CNTNAP2: variants seen among roughly 807,000 people sequenced by gnomAD.
The protein encoded by CNTNAP2 is contactin-associated protein-like 2.
CNTNAP2 carries 98 observed loss-of-function variants against 155.2 expected under a neutral mutation model. That is an observed-to-expected ratio of 0.63 (90% CI 0.54 to 0.75). The LOEUF (loss-of-function observed/expected upper bound fraction) is 0.75, where lower values mean the gene tolerates loss of function less well. Ranked by LOEUF, CNTNAP2 falls within the 30% of genes least tolerant of loss-of-function variation. The pLI, the probability that CNTNAP2 is intolerant of heterozygous loss-of-function variation, is 0.00. For missense variants in CNTNAP2, 1,727 were observed against 1,688.1 expected (o/e 1.02, Z -0.40); for synonymous variants, 651 against 631.2 (o/e 1.03, Z -0.47).
chr7:147,998,110 T>C (rs1322868071), intron 15 of CNTNAP2, among the ~76,000 whole-genome samples: 25 of 129,118 alleles, frequency 1.9e-4, no homozygotes, highest in South Asian at 8.3e-4. Context: ...TTTCTTTTTT[T>C]TTTTTTTTTT....
Position 147,237,049 on chromosome 7 carries a change from C to CTTTTTTTT in CNTNAP2, c.1349-63063_1349-63056dup, listed in dbSNP as rs548220734. On this transcript the variant is annotated intron_variant, in intron 8 of 23. Transcript: ENST00000361727. ...CCACTTCCTTTAGCCTTCACCTCCT[C>CTTTTTTTT]TTTTTTTTTTTTTTTTTTTTTTTTT... 8.0e-4 allele frequency among the ~76,000 whole-genome samples: 46 copies of CTTTTTTTT among 57,472 alleles called. 6 individuals are homozygous for CTTTTTTTT. Among genetic ancestry groups the CTTTTTTTT allele is most frequent in the African/African-American group, 2.1e-3 (31 of 14,814 alleles). The allele number at this position is 57,472 out of a possible 152,430, so 37.7% of individuals were successfully genotyped here.
chr7:146,339,354 TC>T (rs1489696057), intron 1 of CNTNAP2, among the ~76,000 whole-genome samples: 1 of 152,152 alleles, frequency 6.6e-6, no homozygotes, highest in Non-Finnish European at 1.5e-5. Context: ...ACTTCAAAAT[TC>T]CCTTCAAATT....
intron 8 of CNTNAP2, among the ~76,000 whole-genome samples, chr7:147,289,896 A>G (rs540550529): frequency 1.3e-5 from 2 of 152,342 alleles, no homozygotes; most frequent in Admixed American, 1.3e-4. Context: ...CATAAAGTAG[A>G]CATTGAATGA....
intron 9 of CNTNAP2, among the ~76,000 whole-genome samples, chr7:147,391,370 G>C (rs1434627547): frequency 1.3e-5 from 2 of 152,034 alleles, no homozygotes; most frequent in Admixed American, 6.6e-5. Flanking sequence ...CTTTTTTTAT[G>C]TATATAGAGG....
chr7:146,423,901 TCA>T (rs1289565147), intron 1 of CNTNAP2, among the ~76,000 whole-genome samples: 2 of 152,204 alleles, frequency 1.3e-5, no homozygotes, highest in African/African-American at 4.8e-5. Flanking sequence ...ATGAAATGTA[TCA>T]CGTTACTCAA....
intron 1 of CNTNAP2, among the ~76,000 whole-genome samples, chr7:146,421,157 A>C (rs1027532771): frequency 6.6e-6 from 1 of 152,070 alleles, no homozygotes; most frequent in Non-Finnish European, 1.5e-5. Context: ...CATCTGTTAC[A>C]TCTCCTCTTA....
intron 1 of CNTNAP2, among the ~76,000 whole-genome samples, chr7:146,397,525 A>T (rs1474160132): frequency 6.6e-6 from 1 of 152,196 alleles, no homozygotes; most frequent in Non-Finnish European, 1.5e-5. Context: ...AGCTGCAGAT[A>T]TTACTTGTGA....
chr7:147,617,391 G>A (rs1244922725), intron 12 of CNTNAP2, among the ~76,000 whole-genome samples: 1 of 152,112 alleles, frequency 6.6e-6, no homozygotes, highest in Non-Finnish European at 1.5e-5. Context: ...CCAGAGCCTG[G>A]CACTACTGGA....
intron 13 of CNTNAP2, among the ~76,000 whole-genome samples, chr7:147,711,582 C>A (rs1796400800): frequency 1.3e-5 from 2 of 152,180 alleles, no homozygotes. Flanking sequence ...GCAATCCAGA[C>A]AGCTGCAGTC....
chr7:147,026,303 G>C (rs59861915), intron 3 of CNTNAP2, among the ~76,000 whole-genome samples: 1,707 of 152,260 alleles, frequency 0.011, 37 homozygotes, highest in African/African-American at 0.039. Context: ...TGAGGAGAAA[G>C]AAATGACAGT....
At chr7:147,566,018 C>T (rs1272565017) in intron 12 of CNTNAP2, among the ~76,000 whole-genome samples, 6 of 151,230 alleles carry the variant, frequency 4.0e-5, no homozygotes, top group African/African-American at 9.7e-5. Flanking sequence ...CGATGACTCA[C>T]GCCTGTAATC....
chr7:147,703,458 C>A (rs1796264857), intron 13 of CNTNAP2, among the ~76,000 whole-genome samples: 1 of 152,120 alleles, frequency 6.6e-6, no homozygotes, highest in Admixed American at 6.6e-5. Context: ...TAGTAAATTG[C>A]TGTTTAGGAC....
chr7:147,315,159 G>C (rs1042938003), intron 9 of CNTNAP2, among the ~76,000 whole-genome samples: 2 of 146,166 alleles, frequency 1.4e-5, no homozygotes, highest in African/African-American at 5.0e-5. Flanking sequence ...GTAAAATTCT[G>C]ATTCAGTAGG....
chr7:147,889,943 T>C (rs1799662472), intron 13 of CNTNAP2, among the ~76,000 whole-genome samples: 1 of 152,206 alleles, frequency 6.6e-6, no homozygotes, highest in East Asian at 1.9e-4. Context: ...CTCGATTCTT[T>C]AAAATAAATC....
rs552132141 is a variant in CNTNAP2 at position 146,884,823 on chromosome 7, A to T, written c.402+44919A>T. ...CTTTGTAAATGATAGGCTGCTACTC[A>T]AAATAAAAAGTACAATAATTATTAT... On this transcript the variant is annotated intron_variant, in intron 3 of 23. Coordinates refer to ENST00000361727, the MANE Select transcript of CNTNAP2 (RefSeq NM_014141.6). Among the ~76,000 whole-genome samples, 9 of 152,294 alleles carry T rather than the reference A, an allele frequency of 5.9e-5. No individual in the cohort carries two copies. In the East Asian group the frequency reaches 1.5e-3, roughly 26 times the overall value.
At chr7:147,941,925 T>C (rs904183919) in intron 14 of CNTNAP2, among the ~76,000 whole-genome samples, 12 of 152,242 alleles carry the variant, frequency 7.9e-5, no homozygotes. Context: ...ATTTAAAGTG[T>C]GTACGTTCTT....
intron 9 of CNTNAP2, among the ~76,000 whole-genome samples, chr7:147,309,721 T>TA (rs1795088627): frequency 6.6e-6 from 1 of 152,088 alleles, no homozygotes; most frequent in African/African-American, 2.4e-5. Context: ...TTCCTCATTT[T>TA]AAAAAACACT....
chr7:148,080,596 C>T (rs1443923374), intron 15 of CNTNAP2, among the ~76,000 whole-genome samples: 1 of 138,026 alleles, frequency 7.2e-6, no homozygotes, highest in Admixed American at 7.6e-5. Context: ...CAGAGCAAGA[C>T]TCCATCTCAA....
intron 21 of CNTNAP2, among the ~76,000 whole-genome samples, chr7:148,374,611 T>C (rs1215081456): frequency 2.6e-5 from 4 of 152,242 alleles, no homozygotes; most frequent in African/African-American, 9.6e-5. Context: ...AAAAAACATT[T>C]TAGCAGAAGC....
Sources: gnomAD v4.1 joint callset for allele counts (sites outside exome capture counted in the v4.1 genomes callset) on GRCh38, gnomAD v4.1.1 for gene constraint, MANE v1.5 for transcripts, NCBI Gene and HGNC (gene_info 2026-07-23, HGNC 2026-07-21) for gene names.